The following LRRC49 variants were observed in gnomAD, a reference collection of about 807,000 sequenced individuals.
The protein encoded by LRRC49 is leucine-rich repeat-containing protein 49.
In LRRC49, 50 loss-of-function variants were observed where a neutral mutation model predicts 83.3. That is an observed-to-expected ratio of 0.60 (90% CI 0.48 to 0.76). The LOEUF (loss-of-function observed/expected upper bound fraction) is 0.76. Among genes scored for constraint, LRRC49 ranks in the 30% least tolerant of loss-of-function variants. The pLI, the probability that LRRC49 is intolerant of heterozygous loss-of-function variation, is 0.00. For missense variants in LRRC49, 704 were observed against 809.1 expected (o/e 0.87, Z 1.58); for synonymous variants, 286 against 283.3 (o/e 1.01, Z -0.10).
In LRRC49 at chr15:70,901,186, T is replaced by C. The variant is rs369628646; in HGVS notation, c.296+162T>C. Reference sequence around the variant, plus strand: ...TAACCAGTTTTTTGCTTCTCCTTCCTGAGGTATGGTGAGGAATTTTATATC... The same window carrying C: ...TAACCAGTTTTTTGCTTCTCCTTCCCGAGGTATGGTGAGGAATTTTATATC... On this transcript the variant is annotated intron_variant, in intron 4 of 15. Coordinates refer to ENST00000260382, the MANE Select transcript of LRRC49 (RefSeq NM_017691.5). 3.9e-5 allele frequency among the ~76,000 whole-genome samples: 6 copies of C among 152,300 alleles called. No individual in the cohort carries two copies. The East Asian group carries it at 9.6e-4, about 24-fold the overall frequency.
rs138205497 is a variant in LRRC49, at chr15:70,951,883, T to C, written c.774-11902T>C. On this transcript the variant is annotated intron_variant, in intron 8 of 15. Coordinates refer to ENST00000260382, the MANE Select transcript of LRRC49 (RefSeq NM_017691.5). The stretch of plus-strand genomic sequence containing the variant: ...TCCAGCTTTTGCCCATTCAGTAAGA[T>C]GACATTGTCTATAGGTTTATGTTAT... Among the ~76,000 whole-genome samples the C allele has an allele frequency of 2.0e-5, 3 of 152,304 alleles. No homozygotes were observed. In the East Asian group the frequency reaches 5.8e-4, roughly 29 times the overall value.
chr15:70,945,062 C>T (rs1272015155), intron 8 of LRRC49, among the ~76,000 whole-genome samples: 1 of 152,132 alleles, frequency 6.6e-6, no homozygotes, highest in East Asian at 1.9e-4. Context: ...CTCAAGAGAC[C>T]CCTATGCAGA....
At chr15:70,907,726 G>C in intron 5 of LRRC49, 1 of 297,364 alleles carries the variant, frequency 3.4e-6, no homozygotes, top group East Asian at 7.9e-5. Context: ...ACATAATGTG[G>C]CCTGCGGAGA....
chr15:70,938,724 C>A (rs2035692355), intron 8 of LRRC49, among the ~76,000 whole-genome samples: 1 of 152,072 alleles, frequency 6.6e-6, no homozygotes, highest in South Asian at 2.1e-4. Context: ...ATAGAGTTGC[C>A]AGGTTTTACA....
At chr15:70,959,178 A>G (rs1485289372) in intron 8 of LRRC49, among the ~76,000 whole-genome samples, 2 of 152,198 alleles carry the variant, frequency 1.3e-5, no homozygotes, top group Middle Eastern at 3.2e-3. Flanking sequence ...ATTATTTAGA[A>G]AAGTGATTAT....
intron 7 of LRRC49, among the ~76,000 whole-genome samples, chr15:70,920,182 C>G (rs1165958575): frequency 1.3e-5 from 2 of 152,092 alleles, no homozygotes; most frequent in Non-Finnish European, 2.9e-5. Flanking sequence ...ACCTTGAGTT[C>G]CCTTGTAAAG....
At chr15:70,950,451 G>GTAT (rs1353968047) in intron 8 of LRRC49, among the ~76,000 whole-genome samples, 17 of 151,034 alleles carry the variant, frequency 1.1e-4, no homozygotes, top group Non-Finnish European at 1.6e-4. Context: ...CAATGTATAA[G>GTAT]TATTCTCCCT....
At chr15:70,982,317 T>C (rs2037431691) in intron 10 of LRRC49, among the ~76,000 whole-genome samples, 1 of 152,126 alleles carries the variant, frequency 6.6e-6, no homozygotes, top group African/African-American at 2.4e-5. Flanking sequence ...CCTGGCCTCT[T>C]TCAAAGTGGC....
intron 1 of LRRC49, among the ~76,000 whole-genome samples, chr15:70,856,975 ACAT>A (rs2032670110): frequency 6.6e-6 from 1 of 152,172 alleles, no homozygotes; most frequent in South Asian, 2.1e-4. Context: ...CCTGTCTTGA[ACAT>A]CATTGCAGGG....
intron 1 of LRRC49, among the ~76,000 whole-genome samples, chr15:70,869,668 G>A (rs1477194548): frequency 6.6e-6 from 1 of 152,166 alleles, no homozygotes; most frequent in East Asian, 1.9e-4. Context: ...CACACATGCA[G>A]CAGCCCACCC....
rs529932006 is a variant in LRRC49, at chr15:70,860,211, G to T, written c.-299+6742G>T. On this transcript the variant is annotated intron_variant, in intron 1 of 16. Coordinates refer to the LRRC49 transcript ENST00000544974. ...CCTACCCCTCCTGCGGCTGCCCCAG[G>T]GCCCTGGAGGAGGCCGCTGTGCATG... The T allele has an allele frequency of 5.0e-5, 30 of 603,444 alleles. No individual in the cohort carries two copies. In the African/African-American group the frequency reaches 6.0e-4, roughly 12 times the overall value. The allele number at this position is 603,444 out of a possible 1,614,324, so 37.4% of individuals were successfully genotyped here. A position where few individuals can be genotyped will look rare whatever the true frequency, so the allele number is the denominator to read the frequency against.
At chr15:70,982,634 T>C (rs1596096905) in intron 10 of LRRC49, among the ~76,000 whole-genome samples, 3 of 152,162 alleles carry the variant, frequency 2.0e-5, no homozygotes, top group Admixed American at 2.0e-4. Context: ...TTTTTAGAGA[T>C]GGGGTCTTGC....
intron 11 of LRRC49, among the ~76,000 whole-genome samples, chr15:70,999,343 A>T (rs1257769005): frequency 6.6e-6 from 1 of 151,006 alleles, no homozygotes; most frequent in Non-Finnish European, 1.5e-5. Context: ...GTTGTCTTCT[A>T]TTTTTTTAAT....
chr15:71,012,857 T>C lies in LRRC49; in HGVS notation c.1647T>C (p.His549=). 1 of 1,613,404 alleles carries C rather than the reference T, an allele frequency of 6.2e-7. No individual in the cohort carries two copies. The highest frequency in any genetic ancestry group is 8.5e-7 in the Non-Finnish European group (1 of 1,179,504). The change falls in exon 14 of 16, where the codon CAT becomes CAC. Residue 549 remains histidine, a synonymous_variant. Transcript: ENST00000260382. The part of the protein sequence containing the change: ...MAERLFGILA[H]VASSELPQYR... Reference sequence around the variant, plus strand: ...AAAGGCTCTTTGGAATCCTAGCACATGTAGCATCTTCTGAGTTACCCCAGT... The same window carrying C: ...AAAGGCTCTTTGGAATCCTAGCACACGTAGCATCTTCTGAGTTACCCCAGT...
chr15:70,939,851 T>G (rs1469658661), intron 8 of LRRC49, among the ~76,000 whole-genome samples: 1 of 150,758 alleles, frequency 6.6e-6, no homozygotes. Flanking sequence ...AACTAGGTTT[T>G]TTTTTTTTTT....
chr15:71,034,878 C>T (rs772757291), intron 14 of LRRC49, among the ~76,000 whole-genome samples: 3 of 152,224 alleles, frequency 2.0e-5, no homozygotes, highest in Admixed American at 6.5e-5. Context: ...GAACAATACA[C>T]GCTGGGGCCT....
rs3834543 is a variant in LRRC49, at chr15:70,984,141, GCAA to G, written c.1061_1063del (p.Gln354del). The G allele has an allele frequency of 0.47, 752,762 of 1,611,208 alleles. 178,816 individuals are homozygous for G. The highest frequency in any genetic ancestry group is 0.61 in the East Asian group (27,186 of 44,750). ...ACAACGTAGCTCGACAGTGGGACTT[GCAA>G]CAACAACGAGTAGCCAATATTGCTA... On this transcript the variant is annotated inframe_deletion, in exon 11 of 16. Coordinates refer to ENST00000260382, the MANE Select transcript of LRRC49 (RefSeq NM_017691.5).
chr15:70,865,144 G>C (rs754468484), intron 1 of LRRC49, among the ~76,000 whole-genome samples: 2 of 152,186 alleles, frequency 1.3e-5, no homozygotes, highest in African/African-American at 2.4e-5. Context: ...TGGGATTACA[G>C]GTGTGGGCCC....
At chr15:70,969,288 G>A (rs28880707) in intron 9 of LRRC49, among the ~76,000 whole-genome samples, 3,925 of 152,214 alleles carry the variant, frequency 0.026, 177 homozygotes, top group African/African-American at 0.089. Flanking sequence ...AGATCAGATG[G>A]TTGTAGATGT....
Sources: allele counts gnomAD v4.1 joint callset (sites outside exome capture counted in the v4.1 genomes callset), GRCh38; gene constraint gnomAD v4.1.1; transcripts MANE v1.5; gene names NCBI Gene and HGNC (gene_info 2026-07-23, HGNC 2026-07-21).